BCAT1: variants seen among roughly 807,000 people sequenced by gnomAD.
BCAT1 encodes the protein branched chain amino acid transaminase 1, also known as branched-chain-amino-acid aminotransferase, cytosolic.
BCAT1 carries 48 observed loss-of-function variants against 52.4 expected under a neutral mutation model. The ratio of observed to expected loss-of-function variants is 0.92; its 90% CI spans 0.73 to 1.16. The LOEUF is 1.16. Ranked by LOEUF, BCAT1 falls within the 50% of genes most tolerant of loss-of-function variation. The probability of loss-of-function intolerance (pLI) is 0.00; values close to 1 mark genes in which losing one functional copy is unlikely to be tolerated. For missense variants in BCAT1, 451 were observed against 457.1 expected, an observed-to-expected ratio of 0.99 and a Z score of 0.12; for synonymous variants, 167 against 161.3, an observed-to-expected ratio of 1.04 and a Z score of -0.27.
chr12:24,947,865 C>T (rs900043198), intron 1 of BCAT1, among the ~76,000 whole-genome samples: 1 of 152,192 alleles, frequency 6.6e-6, no homozygotes, highest in Non-Finnish European at 1.5e-5. Flanking sequence ...GAAATAGAAC[C>T]TCTAACTATA....
At chr12:24,831,582 G>C (rs1211332477) in intron 9 of BCAT1, among the ~76,000 whole-genome samples, 1 of 152,204 alleles carries the variant, frequency 6.6e-6, no homozygotes, top group East Asian at 1.9e-4. Context: ...TTGGGAGGCG[G>C]AGGTTGCAGT....
At chr12:24,887,721 C>T (rs1222648346) in intron 3 of BCAT1, among the ~76,000 whole-genome samples, 1 of 152,172 alleles carries the variant, frequency 6.6e-6, no homozygotes, top group African/African-American at 2.4e-5. Context: ...TAAAATTATG[C>T]TTTATTTCAC....
At chr12:24,940,756 A>G (rs1943836676) in intron 1 of BCAT1, among the ~76,000 whole-genome samples, 1 of 152,250 alleles carries the variant, frequency 6.6e-6, no homozygotes, top group Non-Finnish European at 1.5e-5. Context: ...AACTCTCCAC[A>G]GGGAATTTGA....
At chr12:24,923,595 A>C (rs1057095672) in intron 1 of BCAT1, among the ~76,000 whole-genome samples, 3 of 151,972 alleles carry the variant, frequency 2.0e-5, no homozygotes, top group African/African-American at 4.8e-5. Context: ...TTTTTTGTAG[A>C]GTTGAGGTTT....
At chr12:24,894,998 A>C (rs1206325086) in intron 2 of BCAT1, among the ~76,000 whole-genome samples, 1 of 152,360 alleles carries the variant, frequency 6.6e-6, no homozygotes, top group East Asian at 1.9e-4. Flanking sequence ...AGCAAAGTGA[A>C]GCAAATGTTT....
At chr12:24,856,242 A>C (rs1468746194) in intron 5 of BCAT1, among the ~76,000 whole-genome samples, 1 of 152,098 alleles carries the variant, frequency 6.6e-6, no homozygotes, top group Non-Finnish European at 1.5e-5. Flanking sequence ...GCACTGGGTG[A>C]AATAGCCTTC....
Position 24,836,527 on chromosome 12 carries a change from T to C in BCAT1, c.887A>G (p.Asp296Gly). ...GGCACCCACCCACTGATGTGCCAGGTCCAGAATGCACCGCCTTGTCACTCC... is the reference window on the plus strand; with the variant it reads ...GGCACCCACCCACTGATGTGCCAGGCCCAGAATGCACCGCCTTGTCACTCC... Reference protein sequence around the residue: ...LPGVTRRCILDLAHQWGEFKV... With the variant: ...LPGVTRRCILGLAHQWGEFKV... The change falls in exon 8 of 11, where the codon GAC (aspartate) becomes GGC (glycine). Residue 296 changes from aspartate to glycine, a missense_variant. By Grantham distance (94) the Asp-to-Gly change is moderately conservative. Transcript: ENST00000261192. The C allele has an allele frequency of 6.2e-7, 1 of 1,612,936 alleles. No individual in the cohort carries two copies. The highest frequency in any genetic ancestry group is 2.2e-5 in the East Asian group (1 of 44,848).
At chr12:24,894,170 T>C in intron 3 of BCAT1, 105 bp downstream of exon 3, 2 of 1,090,674 alleles carry the variant, frequency 1.8e-6, no homozygotes, top group South Asian at 1.8e-5. Context: ...CTCTGGTAAA[T>C]ATGATAAAGC....
intron 1 of BCAT1, among the ~76,000 whole-genome samples, chr12:24,920,643 C>T (rs1053725785): frequency 3.9e-5 from 6 of 152,134 alleles, no homozygotes; most frequent in African/African-American, 1.4e-4. Context: ...ATCAGTTCTG[C>T]AGTGGACACA....
chr12:24,892,951 T>C (rs1447793467), intron 3 of BCAT1, among the ~76,000 whole-genome samples: 1 of 152,222 alleles, frequency 6.6e-6, no homozygotes, highest in Non-Finnish European at 1.5e-5. Flanking sequence ...CTCATTCAAA[T>C]TGACATAACA....
At chr12:24,829,390 TAA>T (rs1038787793) in intron 10 of BCAT1, among the ~76,000 whole-genome samples, 6 of 152,122 alleles carry the variant, frequency 3.9e-5, no homozygotes, top group Non-Finnish European at 7.4e-5. Flanking sequence ...AGCTCAAAAA[TAA>T]AAAGACATAA....
At position 24,829,776 on chromosome 12, in the gene BCAT1, AAAAAG is replaced by A. The variant is rs200487471; in HGVS notation, c.1119+42_1119+46del. The A allele has an allele frequency of 9.0e-4, 1,129 of 1,255,110 alleles. 17 individuals carry two copies. In the East Asian group the frequency reaches 0.02, roughly 23 times the overall value. The allele number at this position is 1,255,110 out of a possible 1,614,324, so 77.7% of individuals were successfully genotyped here. On this transcript the variant is annotated intron_variant, in intron 10 of 10. Coordinates refer to ENST00000261192, the MANE Select transcript of BCAT1 (RefSeq NM_005504.7). Reference sequence around the variant, plus strand: ...TCTGACAGAAATAAGGTGACATAAAAAAAAGAAAAGAAAAGGAAAGAAAAGAAAAG... The same window carrying A: ...TCTGACAGAAATAAGGTGACATAAAAAAAAGAAAAGGAAAGAAAAGAAAAG...
At chr12:24,886,235 T>C (rs769915994) in intron 3 of BCAT1, among the ~76,000 whole-genome samples, 1 of 152,062 alleles carries the variant, frequency 6.6e-6, no homozygotes, top group South Asian at 2.1e-4. Context: ...CTGGGCAACA[T>C]GGTCAGACCT....
chr12:24,881,215 A>G, intron 4 of BCAT1, 86 bp downstream of exon 4: 1 of 936,924 alleles, frequency 1.1e-6, no homozygotes, highest in Non-Finnish European at 1.6e-6. Context: ...TATTTATCTA[A>G]CTATTCAGAA....
At chr12:24,906,179 C>T (rs1320080401) in intron 1 of BCAT1, among the ~76,000 whole-genome samples, 2 of 150,924 alleles carry the variant, frequency 1.3e-5, no homozygotes, top group Non-Finnish European at 2.9e-5. Context: ...CACAGTGAGA[C>T]ACCATCTCAA....
At chr12:24,940,850 G>A (rs1005428998) in intron 1 of BCAT1, among the ~76,000 whole-genome samples, 5 of 152,184 alleles carry the variant, frequency 3.3e-5, no homozygotes, top group Admixed American at 1.3e-4. Flanking sequence ...TTCTTCAGCA[G>A]AAGTAAAAGC....
At position 24,842,170 on chromosome 12, in the gene BCAT1, C is replaced by T. The variant is rs746767267; in HGVS notation, c.729G>A (p.Gln243=). 5.6e-6 allele frequency: 9 copies of T among 1,613,712 alleles called. No homozygotes were observed. The Admixed American group carries it at 6.7e-5, about 12-fold the overall frequency. Residue 243 remains glutamine (Q), a synonymous_variant, in exon 7 of 11, where the codon CAG becomes CAA. Transcript: ENST00000261192. ...CCTCTCCATAGAGCCACAGGACCTG[C>T]TGACACCCATTATCTACTGCTTCAC... ...AQCEAVDNGC[Q]QVLWLYGEDH... is the part of the protein sequence containing the mutation.
At chr12:24,938,020 T>A (rs1943790358) in intron 1 of BCAT1, among the ~76,000 whole-genome samples, 1 of 152,056 alleles carries the variant, frequency 6.6e-6, no homozygotes, top group African/African-American at 2.4e-5. Context: ...GGAAGGGGAA[T>A]GGGCCATCCA....
At chr12:24,885,296 T>G (rs892297836) in intron 3 of BCAT1, among the ~76,000 whole-genome samples, 5 of 152,100 alleles carry the variant, frequency 3.3e-5, no homozygotes, top group African/African-American at 1.2e-4. Context: ...CTATTTACAG[T>G]AGAATTAAAA....
Sources: gnomAD v4.1 joint callset for allele counts (sites outside exome capture counted in the v4.1 genomes callset) on GRCh38, gnomAD v4.1.1 for gene constraint, MANE v1.5 for transcripts, NCBI Gene and HGNC (gene_info 2026-07-23, HGNC 2026-07-21) for gene names.